Variants in LDLRAD3 observed in about 807,000 individuals in gnomAD.
LDLRAD3 encodes the protein low density lipoprotein receptor class A domain containing 3.
A neutral mutation model predicts 29.4 loss-of-function variants in LDLRAD3; 20 were observed. The observed-to-expected ratio is 0.68, with a 90% confidence interval of 0.48 to 0.99. The LOEUF (loss-of-function observed/expected upper bound fraction) is 0.99, where lower values mean the gene tolerates loss of function less well. Among genes scored for constraint, LDLRAD3 ranks in the 50% least tolerant of loss-of-function variants. The pLI is 0.00. For missense variants in LDLRAD3, 420 were observed against 454.3 expected (o/e 0.92, Z 0.69); for synonymous variants, 157 against 192.7 (o/e 0.81, Z 1.53).
At chr11:36,067,679 A>G (rs1348248765) in intron 2 of LDLRAD3, among the ~76,000 whole-genome samples, 1 of 152,060 alleles carries the variant, frequency 6.6e-6, no homozygotes, top group Non-Finnish European at 1.5e-5. Context: ...GCTGTAATTA[A>G]CTTTTTTTTG....
At chr11:36,116,678 A>G (rs1483057487) in intron 4 of LDLRAD3, among the ~76,000 whole-genome samples, 1 of 151,290 alleles carries the variant, frequency 6.6e-6, no homozygotes, top group Non-Finnish European at 1.5e-5. Context: ...TAAAAAAATA[A>G]AAAATAAAAA....
intron 4 of LDLRAD3, among the ~76,000 whole-genome samples, chr11:36,138,412 CA>C (rs1333468398): frequency 6.6e-6 from 1 of 152,104 alleles, no homozygotes; most frequent in African/African-American, 2.4e-5. Flanking sequence ...GTAGTTTGAC[CA>C]AATCAAAGAG....
At chr11:36,087,056 A>T (rs992533421) in intron 3 of LDLRAD3, among the ~76,000 whole-genome samples, 1 of 152,200 alleles carries the variant, frequency 6.6e-6, no homozygotes, top group Non-Finnish European at 1.5e-5. Flanking sequence ...GAATATGTTA[A>T]TGACCCCACA....
intron 4 of LDLRAD3, among the ~76,000 whole-genome samples, chr11:36,204,330 A>G (rs2133376704): frequency 1.3e-5 from 2 of 152,276 alleles, no homozygotes; most frequent in Non-Finnish European, 2.9e-5. Context: ...ACTGAGGTAC[A>G]AAGAAGGTAA....
intron 4 of LDLRAD3, among the ~76,000 whole-genome samples, chr11:36,223,917 G>A (rs1855463434): frequency 6.6e-6 from 1 of 151,694 alleles, no homozygotes; most frequent in Non-Finnish European, 1.5e-5. Context: ...TCATTAGTGA[G>A]GGATGATGAA....
chr11:35,987,193 A>G (rs552862055), intron 1 of LDLRAD3, among the ~76,000 whole-genome samples: 36 of 152,358 alleles, frequency 2.4e-4, no homozygotes, highest in Admixed American at 1.5e-3. Context: ...ACACATTTGT[A>G]TATCTTGCTG....
At chr11:35,987,449 C>T (rs2133163347) in intron 1 of LDLRAD3, among the ~76,000 whole-genome samples, 1 of 152,232 alleles carries the variant, frequency 6.6e-6, no homozygotes, top group Non-Finnish European at 1.5e-5. Context: ...TCTGTTGTTG[C>T]CATGTTTATG....
At chr11:36,105,197 T>C (rs1853508591) in intron 4 of LDLRAD3, among the ~76,000 whole-genome samples, 1 of 144,562 alleles carries the variant, frequency 6.9e-6, no homozygotes, top group South Asian at 2.3e-4. Context: ...CTGTTCCTTC[T>C]GCAGAATTTG....
chr11:36,114,694 A>G (rs1013960271), intron 4 of LDLRAD3, among the ~76,000 whole-genome samples: 3 of 152,060 alleles, frequency 2.0e-5, no homozygotes, highest in African/African-American at 7.2e-5. Flanking sequence ...TTTTTCCTCA[A>G]ACTCGTTTTG....
intron 4 of LDLRAD3, among the ~76,000 whole-genome samples, chr11:36,200,498 A>G (rs954202158): frequency 1.3e-5 from 2 of 152,238 alleles, no homozygotes; most frequent in Non-Finnish European, 2.9e-5. Flanking sequence ...CATTCAGTCC[A>G]TAACAATCCG....
At chr11:36,072,288 G>T (rs1852918569) in intron 2 of LDLRAD3, among the ~76,000 whole-genome samples, 1 of 152,320 alleles carries the variant, frequency 6.6e-6, no homozygotes, top group South Asian at 2.1e-4. Context: ...GGCTGTTCTG[G>T]TGGAACAGAG....
chr11:36,106,497 C>T lies in LDLRAD3; in HGVS notation c.454+8036C>T, dbSNP rs541945128. ...AAGAAAGAATTAGGGACAGTGACTG[C>T]TTCTTGCCTTACCCTCTCAAATAGA... On this transcript the variant is annotated intron_variant, in intron 4 of 5. Transcript: ENST00000315571. Among the ~76,000 whole-genome samples the T allele has an allele frequency of 2.0e-5, 3 of 152,298 alleles. No homozygotes were observed. The South Asian group carries it at 6.2e-4, about 32-fold the overall frequency.
chr11:36,125,916 G>C (rs1224021652), intron 4 of LDLRAD3, among the ~76,000 whole-genome samples: 2 of 152,092 alleles, frequency 1.3e-5, no homozygotes, highest in Admixed American at 6.5e-5. Flanking sequence ...GCTGCAAAAG[G>C]CTACCCCCCT....
intron 1 of LDLRAD3, among the ~76,000 whole-genome samples, chr11:35,960,046 T>C (rs1466034048): frequency 6.6e-6 from 1 of 152,180 alleles, no homozygotes; most frequent in African/African-American, 2.4e-5. Context: ...ATCCTTTCTG[T>C]CCCTGTTTTT....
intron 1 of LDLRAD3, among the ~76,000 whole-genome samples, chr11:36,022,288 C>G (rs1319610837): frequency 1.3e-5 from 2 of 152,112 alleles, no homozygotes; most frequent in Non-Finnish European, 2.9e-5. Context: ...TACATTACAT[C>G]TAGTCTTTAT....
At chr11:36,125,288 C>T (rs148846490) in intron 4 of LDLRAD3, among the ~76,000 whole-genome samples, 1 of 152,234 alleles carries the variant, frequency 6.6e-6, no homozygotes, top group East Asian at 1.9e-4. Context: ...AAGCAACTTC[C>T]CGGGTTCAAA....
chr11:36,111,925 TGG>T (rs1853611958), intron 4 of LDLRAD3, among the ~76,000 whole-genome samples: 3 of 152,230 alleles, frequency 2.0e-5, no homozygotes, highest in Admixed American at 2.0e-4. Flanking sequence ...GTTCATTTTG[TGG>T]AATGCCTCTA....
chr11:36,075,018 A>G (rs193265835), intron 2 of LDLRAD3, among the ~76,000 whole-genome samples: 5 of 152,220 alleles, frequency 3.3e-5, no homozygotes, highest in East Asian at 1.9e-4. Flanking sequence ...CCATTACCCA[A>G]CTGTTAATGG....
At chr11:36,194,405 A>T (rs1164303199) in intron 4 of LDLRAD3, among the ~76,000 whole-genome samples, 1 of 152,146 alleles carries the variant, frequency 6.6e-6, no homozygotes, top group Non-Finnish European at 1.5e-5. Flanking sequence ...GGGAAGTGTA[A>T]TCCTATTGTG....
Sources: gnomAD v4.1 joint callset for allele counts (sites outside exome capture counted in the v4.1 genomes callset) on GRCh38, gnomAD v4.1.1 for gene constraint, MANE v1.5 for transcripts, NCBI Gene and HGNC (gene_info 2026-07-23, HGNC 2026-07-21) for gene names.